The following EPB41L5 variants were observed in gnomAD, a reference collection of about 807,000 sequenced individuals.
EPB41L5 encodes band 4.1-like protein 5.
A neutral mutation model predicts 106.6 loss-of-function variants in EPB41L5; 55 were observed. The ratio of observed to expected loss-of-function variants is 0.52; its 90% CI spans 0.42 to 0.65. EPB41L5 has a LOEUF of 0.65. EPB41L5 is among the 30% of genes least tolerant of loss of function. EPB41L5 has a pLI of 0.00. For synonymous variants in EPB41L5, 297 were observed against 306.7 expected (o/e 0.97, Z 0.33); for missense variants, 871 against 882.1 (o/e 0.99, Z 0.16).
chr2:120,029,858 C>T (rs955579245), intron 2 of EPB41L5, among the ~76,000 whole-genome samples: 9 of 152,176 alleles, frequency 5.9e-5, no homozygotes, highest in Non-Finnish European at 1.2e-4. Context: ...AGCTGCAAAG[C>T]GGTTCCACTC....
intron 13 of EPB41L5, 60 bp from the exon 14 acceptor site, chr2:120,093,189 G>A (rs1372878228): frequency 2.2e-6 from 3 of 1,382,510 alleles, no homozygotes; most frequent in African/African-American, 2.8e-5. Flanking sequence ...GCTTTGAATA[G>A]TGCAGCAGTT....
At chr2:120,082,530 G>T (rs553566137) in intron 10 of EPB41L5, among the ~76,000 whole-genome samples, 5 of 152,162 alleles carry the variant, frequency 3.3e-5, no homozygotes, top group African/African-American at 1.2e-4. Flanking sequence ...GAGGATTTTT[G>T]CATCGATGTT....
chr2:120,059,558 G>A (rs1680884628), intron 3 of EPB41L5, among the ~76,000 whole-genome samples: 2 of 152,180 alleles, frequency 1.3e-5, no homozygotes, highest in South Asian at 4.1e-4. Context: ...CAGACTGGGA[G>A]AAAGTATTCG....
At chr2:120,162,693 G>C (rs952325668) in intron 21 of EPB41L5, among the ~76,000 whole-genome samples, 3 of 152,144 alleles carry the variant, frequency 2.0e-5, no homozygotes, top group African/African-American at 7.2e-5. Flanking sequence ...GTATGTACCA[G>C]ACAACTTGTT....
intron 4 of EPB41L5, 79 bp downstream of exon 4, chr2:120,073,299 G>A: frequency 8.1e-7 from 1 of 1,228,670 alleles, no homozygotes; most frequent in South Asian, 1.3e-5. Context: ...TAGGATGTAA[G>A]AAATCATGTT....
chr2:120,105,964 G>T, intron 16 of EPB41L5: 2 of 985,326 alleles, frequency 2.0e-6, no homozygotes, highest in Non-Finnish European at 2.4e-6. Flanking sequence ...CAATGAAGTT[G>T]TAAGATTTGA....
In EPB41L5 at chr2:120,063,553, C is replaced by G. The variant is rs982144781; in HGVS notation, c.286-9625C>G. Among the ~76,000 whole-genome samples the G allele has an allele frequency of 1.3e-5, 2 of 152,138 alleles. 1 individual carries two copies. The highest frequency in any genetic ancestry group is 1.3e-4 in the Admixed American group (2 of 15,264). On this transcript the variant is annotated intron_variant, in intron 3 of 24. Transcript: ENST00000263713. Reference sequence around the variant, plus strand: ...CTATAGAGTGTACTATGCTTATTACCTGGGTGGCAAAATAACCTGTATACC... The same window carrying G: ...CTATAGAGTGTACTATGCTTATTACGTGGGTGGCAAAATAACCTGTATACC...
chr2:120,056,450 C>T (rs1680659353), intron 3 of EPB41L5, among the ~76,000 whole-genome samples: 1 of 151,998 alleles, frequency 6.6e-6, no homozygotes. Flanking sequence ...AGGCATGCAC[C>T]ACTGTGCCCG....
intron 18 of EPB41L5, among the ~76,000 whole-genome samples, chr2:120,142,662 T>C (rs919116129): frequency 1.3e-5 from 2 of 152,192 alleles, no homozygotes; most frequent in Admixed American, 1.3e-4. Flanking sequence ...CTTTCACAGC[T>C]ACTTAGCTCT....
At chr2:120,097,080 T>A (rs1050724650) in intron 14 of EPB41L5, among the ~76,000 whole-genome samples, 3 of 152,264 alleles carry the variant, frequency 2.0e-5, no homozygotes, top group Admixed American at 2.0e-4. Flanking sequence ...ATATATATAG[T>A]GCCTGTTTTG....
chr2:120,132,593 T>G (rs748352407), intron 18 of EPB41L5, among the ~76,000 whole-genome samples: 16 of 152,204 alleles, frequency 1.1e-4, no homozygotes, highest in Non-Finnish European at 2.1e-4. Flanking sequence ...CCTTTCTTTC[T>G]AATACATTTT....
At chr2:120,127,448 C>T (rs748083383) in intron 16 of EPB41L5, among the ~76,000 whole-genome samples, 138 of 152,180 alleles carry the variant, frequency 9.1e-4, no homozygotes, top group Admixed American at 2.5e-3. Flanking sequence ...ATGCATCTTC[C>T]CATATACTTT....
At chr2:120,018,147 T>A (rs1677666284) in intron 1 of EPB41L5, among the ~76,000 whole-genome samples, 1 of 151,914 alleles carries the variant, frequency 6.6e-6, no homozygotes, top group Non-Finnish European at 1.5e-5. Flanking sequence ...GTATTTTTTT[T>A]TAGTAGAGAC....
In EPB41L5 at chr2:120,151,610, CTTTTTTTTTTT is replaced by C. The variant is rs529496809; in HGVS notation, c.1793+5333_1793+5343del. On this transcript the variant is annotated intron_variant, in intron 20 of 24. Transcript: ENST00000263713. The stretch of plus-strand genomic sequence containing the variant: ...CAGGCAGGAGCCACTGCGTCTGGCC[CTTTTTTTTTTT>C]TTTTTTTTTTTAAAGACGGAGTCTT... Among the ~76,000 whole-genome samples the C allele has an allele frequency of 1.6e-4, 19 of 116,816 alleles. 1 individual carries two copies. Among genetic ancestry groups the C allele is most frequent in the Non-Finnish European group, 2.5e-4 (15 of 59,892 alleles). 76.6% of individuals were successfully genotyped at this position (116,816 alleles called of 152,430 possible). A position where few individuals can be genotyped will look rare whatever the true frequency, so the allele number is the denominator to read the frequency against.
At chr2:120,121,345 C>T (rs1685207311) in intron 16 of EPB41L5, among the ~76,000 whole-genome samples, 1 of 152,044 alleles carries the variant, frequency 6.6e-6, no homozygotes, top group South Asian at 2.1e-4. Flanking sequence ...TAATGCTATC[C>T]CTCCCCCACT....
intron 2 of EPB41L5, among the ~76,000 whole-genome samples, chr2:120,038,993 A>G (rs1679218766): frequency 6.6e-6 from 1 of 152,228 alleles, no homozygotes; most frequent in African/African-American, 2.4e-5. Context: ...TCAGCTTTAA[A>G]AAGGAAGGAA....
chr2:120,085,903 G>A (rs1683022927), intron 10 of EPB41L5, among the ~76,000 whole-genome samples: 1 of 152,144 alleles, frequency 6.6e-6, no homozygotes, highest in Non-Finnish European at 1.5e-5. Flanking sequence ...ATTAATACTT[G>A]TAAAGCACTT....
At chr2:120,103,892 C>T (rs1194570490) in intron 16 of EPB41L5, among the ~76,000 whole-genome samples, 3 of 152,198 alleles carry the variant, frequency 2.0e-5, no homozygotes, top group African/African-American at 7.2e-5. Context: ...ATTTCCCCCA[C>T]TTTGTTATTC....
chr2:120,023,810 A>C (rs543856817), intron 2 of EPB41L5, among the ~76,000 whole-genome samples: 4 of 152,308 alleles, frequency 2.6e-5, no homozygotes, highest in African/African-American at 9.6e-5. Context: ...CTTCCTACCC[A>C]TGAGCATGGA....
Sources: gnomAD v4.1 joint callset for allele counts (sites outside exome capture counted in the v4.1 genomes callset) on GRCh38, gnomAD v4.1.1 for gene constraint, MANE v1.5 for transcripts, NCBI Gene and HGNC (gene_info 2026-07-23, HGNC 2026-07-21) for gene names.